Variants in SIL1 observed in about 807,000 individuals in gnomAD.
SIL1 encodes the protein nucleotide exchange factor SIL1.
In SIL1, 40 loss-of-function variants were observed where a neutral mutation model predicts 49.1. The observed-to-expected ratio is 0.81, with a 90% CI of 0.63 to 1.06. SIL1 has a LOEUF of 1.06. Ranked by LOEUF, SIL1 falls within the 50% of genes least tolerant of loss-of-function variation. The pLI is 0.00. For missense variants in SIL1, 500 were observed against 572.6 expected (o/e 0.87, Z 1.29); for synonymous variants, 253 against 250.8 (o/e 1.01, Z -0.08).
chr5:139,153,095 G>C (rs963927290), intron 1 of SIL1, among the ~76,000 whole-genome samples: 2 of 152,220 alleles, frequency 1.3e-5, no homozygotes, highest in East Asian at 1.9e-4. Context: ...TGGGATTACA[G>C]GCGTGAGCCA....
At chr5:139,177,747 C>A (rs1219702444) in intron 1 of SIL1, among the ~76,000 whole-genome samples, 2 of 152,242 alleles carry the variant, frequency 1.3e-5, no homozygotes, top group African/African-American at 2.4e-5. Context: ...TTTCTTTATA[C>A]CACAGGCAAC....
At chr5:139,040,590 C>G (rs1769026245) in intron 5 of SIL1, among the ~76,000 whole-genome samples, 1 of 150,394 alleles carries the variant, frequency 6.6e-6, no homozygotes. Flanking sequence ...CCTCCACCTC[C>G]CGGTTTCAAG....
intron 1 of SIL1, among the ~76,000 whole-genome samples, chr5:139,173,724 A>G (rs1751820690): frequency 6.7e-6 from 1 of 150,350 alleles, no homozygotes; most frequent in Non-Finnish European, 1.5e-5. Context: ...AGGCAGGCAG[A>G]TCACGAGGTC....
chr5:139,110,169 G>GAA (rs60336598), intron 3 of SIL1, among the ~76,000 whole-genome samples: 2 of 119,708 alleles, frequency 1.7e-5, no homozygotes, highest in African/African-American at 3.1e-5. Context: ...ACTCTGTCTC[G>GAA]AAAAAAAAAA....
rs1417328936 is a variant in SIL1 at position 139,185,797 on chromosome 5, G to A, written c.-11+12472C>T. Among the ~76,000 whole-genome samples the A allele has an allele frequency of 2.6e-5, 4 of 152,214 alleles. No individual in the cohort carries two copies. The South Asian group carries it at 6.2e-4, about 24-fold the overall frequency. ...GGCAACACTCTCAGACCTAGAAGGT[G>A]ATGCCAGGCAAGTAAGCACTGCTGG... On this transcript the variant is annotated intron_variant, in intron 1 of 9. Transcript: ENST00000394817.
intron 1 of SIL1, among the ~76,000 whole-genome samples, chr5:139,149,880 G>A (rs72790933): frequency 6.6e-6 from 1 of 152,232 alleles, no homozygotes; most frequent in Non-Finnish European, 1.5e-5. Context: ...TGCCAGACAG[G>A]TTAGATAGAG....
chr5:139,003,084 C>A (rs1439407201), intron 7 of SIL1, among the ~76,000 whole-genome samples: 1 of 152,026 alleles, frequency 6.6e-6, no homozygotes, highest in Non-Finnish European at 1.5e-5. Context: ...GCCCAAGGCC[C>A]TTCGTCACAT....
chr5:139,079,849 C>A (rs960357499), intron 3 of SIL1, among the ~76,000 whole-genome samples: 6 of 152,216 alleles, frequency 3.9e-5, no homozygotes, highest in Admixed American at 2.6e-4. Flanking sequence ...AGCAAATATG[C>A]ACTGGCTACA....
chr5:139,194,088 G>A (rs773038079), intron 1 of SIL1, among the ~76,000 whole-genome samples: 4 of 152,238 alleles, frequency 2.6e-5, no homozygotes, highest in Non-Finnish European at 4.4e-5. Flanking sequence ...GGAGGATGAA[G>A]GCAAACATGG....
intron 1 of SIL1, among the ~76,000 whole-genome samples, chr5:139,143,244 TATATAC>T (rs1469749885): frequency 3.9e-5 from 5 of 128,572 alleles, no homozygotes; most frequent in African/African-American, 2.0e-4. Flanking sequence ...CATATATGTA[TATATAC>T]ATATATAAAC....
chr5:138,969,295 C>T (rs1050777859), intron 7 of SIL1, among the ~76,000 whole-genome samples: 2 of 152,312 alleles, frequency 1.3e-5, no homozygotes, highest in East Asian at 3.9e-4. Flanking sequence ...GGACAGTCCA[C>T]AGATATGTCC....
chr5:139,035,264 T>C (rs1456741973), intron 5 of SIL1: 2 of 509,672 alleles, frequency 3.9e-6, no homozygotes. Flanking sequence ...CTTTAATGGT[T>C]CTAGAGAGTT....
intron 3 of SIL1, 79 bp downstream of exon 3, chr5:139,120,956 G>A (rs2151793164): frequency 6.4e-7 from 1 of 1,569,310 alleles, no homozygotes; most frequent in Admixed American, 1.7e-5. Context: ...CAGCCTGAAG[G>A]AGCAGCCCTC....
At chr5:139,019,134 C>A (rs1014212219) in intron 7 of SIL1, among the ~76,000 whole-genome samples, 15 of 152,204 alleles carry the variant, frequency 9.9e-5, no homozygotes, top group Non-Finnish European at 1.5e-4. Flanking sequence ...TGAACACCCT[C>A]TTGATAAAGA....
intron 7 of SIL1, among the ~76,000 whole-genome samples, chr5:138,991,622 C>T (rs943706704): frequency 6.6e-6 from 1 of 152,206 alleles, no homozygotes; most frequent in Admixed American, 6.5e-5. Context: ...GGTACAGGGT[C>T]GATATTTCCT....
intron 7 of SIL1, among the ~76,000 whole-genome samples, chr5:138,979,664 C>T (rs79745896): frequency 3.3e-5 from 5 of 152,164 alleles, no homozygotes; most frequent in Non-Finnish European, 4.4e-5. Flanking sequence ...TCACCATACC[C>T]GGCTAATTCA....
In SIL1 at chr5:139,152,279, A is replaced by G. The variant is rs546210955; in HGVS notation, c.-10-24426T>C. On this transcript the variant is annotated intron_variant, in intron 1 of 9. Coordinates refer to ENST00000394817, the MANE Select transcript of SIL1 (RefSeq NM_022464.5). ...CAACGTCAAAGTATCCTGGGGTAAA[A>G]GATCAGCAAATTACAAGTATACATC... Among the ~76,000 whole-genome samples the G allele has an allele frequency of 1.5e-4, 23 of 152,338 alleles. No homozygotes were observed. In the East Asian group the frequency reaches 3.3e-3, roughly 22 times the overall value.
chr5:139,076,222 G>A (rs1026218040), intron 3 of SIL1, among the ~76,000 whole-genome samples: 5 of 152,154 alleles, frequency 3.3e-5, no homozygotes, highest in Admixed American at 2.6e-4. Context: ...ACTCTCAGGG[G>A]TTCTGCTGAC....
chr5:139,190,969 C>T (rs1366794404), intron 1 of SIL1, among the ~76,000 whole-genome samples: 1 of 152,136 alleles, frequency 6.6e-6, no homozygotes, highest in Non-Finnish European at 1.5e-5. Flanking sequence ...CAGTGGCTCA[C>T]ACCTGTAATC....
Sources: gnomAD v4.1 joint callset for allele counts (sites outside exome capture counted in the v4.1 genomes callset) on GRCh38, gnomAD v4.1.1 for gene constraint, MANE v1.5 for transcripts, NCBI Gene and HGNC (gene_info 2026-07-23, HGNC 2026-07-21) for gene names.